Variants in CHERP observed in about 807,000 individuals in gnomAD.
CHERP encodes the protein calcium homeostasis endoplasmic reticulum protein.
CHERP carries 8 observed loss-of-function variants against 113.8 expected under a neutral mutation model. The observed-to-expected ratio is 0.07, with a 90% confidence interval of 0.04 to 0.13. The LOEUF is 0.13. CHERP is among the 10% of genes least tolerant of loss of function. The probability of loss-of-function intolerance (pLI) is 1.00; values close to 1 mark genes in which losing one functional copy is unlikely to be tolerated. For missense variants in CHERP, 884 were observed against 1,298.2 expected, an observed-to-expected ratio of 0.68 and a Z score of 4.90; for synonymous variants, 559 against 524.5, an observed-to-expected ratio of 1.07 and a Z score of -0.90.
rs1015248754 is a variant in CHERP at position 16,523,363 on chromosome 19, G to A, written c.1742-73C>T. 3.2e-6 allele frequency: 5 copies of A among 1,567,106 alleles called. No individual in the cohort carries two copies. Among genetic ancestry groups the A allele is most frequent in the Non-Finnish European group, 4.3e-6 (5 of 1,154,746 alleles). On this transcript the variant is annotated intron_variant, in intron 10 of 16. Transcript: ENST00000546361. The surrounding 1 kb of genome is among the most constrained non-coding windows in gnomAD (Gnocchi z 4.0). Reference sequence around the variant, plus strand: ...CCAGGCGACAAGTGCTGGAGGGGAGGGGCTCAGTGAAGGGCCAGGAGACGA... The same window carrying A: ...CCAGGCGACAAGTGCTGGAGGGGAGAGGCTCAGTGAAGGGCCAGGAGACGA...
chr19:16,542,121 G>A (rs1302547793), intron 1 of CHERP, 78 bp from the exon 2 acceptor site: 13 of 1,480,412 alleles, frequency 8.8e-6, no homozygotes, highest in Middle Eastern at 2.5e-4. Context: ...CCCAGCCCCC[G>A]TCCGCCTTGC....
chr19:16,529,540 G>C, intron 8 of CHERP, 108 bp downstream of exon 8: 2 of 1,368,152 alleles, frequency 1.5e-6, no homozygotes, highest in South Asian at 2.7e-5. Context: ...CTGGGACGAG[G>C]GAACAAGAAC....
Position 16,530,095 on chromosome 19 carries a change from G to C in CHERP, c.877-195C>G, listed in dbSNP as rs1000046955. ...GATCTGGCCAGAGATTTGGGGATGA[G>C]GATGTTCGCTGCAGCGTGTTTTACG... On this transcript the variant is annotated intron_variant, in intron 7 of 16. Coordinates refer to ENST00000546361, the MANE Select transcript of CHERP (RefSeq NM_006387.6). The surrounding 1 kb of genome is among the most constrained non-coding windows in gnomAD (Gnocchi z 4.1). Among the ~76,000 whole-genome samples the C allele has an allele frequency of 2.0e-5, 3 of 152,230 alleles. No individual in the cohort carries two copies. Among genetic ancestry groups the C allele is most frequent in the African/African-American group, 7.2e-5 (3 of 41,454 alleles).
Position 16,523,227 on chromosome 19 carries a change from G to A in CHERP, c.1805C>T (p.Pro602Leu), listed in dbSNP as rs779384365. 11 of 1,599,278 alleles carry A rather than the reference G, an allele frequency of 6.9e-6. No homozygotes were observed. The highest frequency in any genetic ancestry group is 1.8e-5 in the Admixed American group (1 of 56,726). ...RMPHPGINEH[P>L]PWAGPQHPDF... Reference sequence around the variant, plus strand: ...AGGGTGCTGGGGTCCAGCCCAAGGCGGGTGCTCGTTGATGCCAGGATGAGG... The same window carrying A: ...AGGGTGCTGGGGTCCAGCCCAAGGCAGGTGCTCGTTGATGCCAGGATGAGG... Residue 602 changes from proline to leucine, a missense_variant, in exon 11 of 17, where the codon CCG becomes CTG. Physicochemically the swap from Pro to Leu is moderately conservative, Grantham distance 98. This residue lies in a region of CHERP where 464 missense variants were observed against 590.1 expected (regional missense o/e 0.79). Coordinates refer to ENST00000546361, the MANE Select transcript of CHERP (RefSeq NM_006387.6). The surrounding 1 kb of genome is among the most constrained non-coding windows in gnomAD (Gnocchi z 4.0).
chr19:16,542,069 G>A (rs765751932), intron 1 of CHERP, 26 bp from the exon 2 acceptor site: 2 of 1,595,486 alleles, frequency 1.3e-6, no homozygotes, highest in Non-Finnish European at 1.7e-6. Context: ...AAGGCCACGC[G>A]GGGCGTCAGC....
rs1474630174 is a variant in CHERP, at chr19:16,535,100, C to CA, written c.384+351dup. Among the ~76,000 whole-genome samples, 1 of 152,100 alleles carries CA rather than the reference C, an allele frequency of 6.6e-6. No homozygotes were observed. Among genetic ancestry groups the CA allele is most frequent in the African/African-American group, 2.4e-5 (1 of 41,432 alleles). ...AAAAAAAGGGTCCTTCCCCAACCAA[C>CA]AGCTCCAGGTGACCTAGCTACTGTG... On this transcript the variant is annotated intron_variant, in intron 3 of 16. Coordinates refer to ENST00000546361, the MANE Select transcript of CHERP (RefSeq NM_006387.6). This position sits in a 1 kb window ranked among gnomAD's most constrained non-coding sequence, Gnocchi z 4.3.
chr19:16,530,234 C>T lies in CHERP; in HGVS notation c.877-334G>A, dbSNP rs889520969. On this transcript the variant is annotated intron_variant, in intron 7 of 16. Transcript: ENST00000546361. This position sits in a 1 kb window ranked among gnomAD's most constrained non-coding sequence, Gnocchi z 4.1. Reference sequence around the variant, plus strand: ...ACGCTCATGGGCTCTGCCTCCCACTCGCCATGTGGCTCTCAGCAAGAGGGG... The same window carrying T: ...ACGCTCATGGGCTCTGCCTCCCACTTGCCATGTGGCTCTCAGCAAGAGGGG... 1.3e-5 allele frequency among the ~76,000 whole-genome samples: 2 copies of T among 152,246 alleles called. No homozygotes were observed. Among genetic ancestry groups the T allele is most frequent in the South Asian group, 2.1e-4 (1 of 4,838 alleles).
At chr19:16,531,022 CCCA>C in intron 5 of CHERP, 142 bp from the exon 6 acceptor site, 1 of 1,343,096 alleles carries the variant, frequency 7.4e-7, no homozygotes, top group South Asian at 1.4e-5. Context: ...TGGCTGGGCT[CCCA>C]CGAGACCTGT....
In CHERP at chr19:16,530,715, G is replaced by A. The variant is rs923955303; in HGVS notation, c.787-41C>T. The A allele has an allele frequency of 6.2e-7, 1 of 1,613,988 alleles. No individual in the cohort carries two copies. The highest frequency in any genetic ancestry group is 8.5e-7 in the Non-Finnish European group (1 of 1,179,904). On this transcript the variant is annotated intron_variant, in intron 6 of 16. Coordinates refer to ENST00000546361, the MANE Select transcript of CHERP (RefSeq NM_006387.6). The surrounding 1 kb of genome is among the most constrained non-coding windows in gnomAD (Gnocchi z 4.1). ...GAGAGAGGCCGGGTCAGTGGGGAGGGGAAAGGCCTGTGTGTCCCGGTCTTG... is the reference window on the plus strand; with the variant it reads ...GAGAGAGGCCGGGTCAGTGGGGAGGAGAAAGGCCTGTGTGTCCCGGTCTTG...
intron 2 of CHERP, among the ~76,000 whole-genome samples, chr19:16,539,293 G>A (rs1243217038): frequency 9.2e-5 from 14 of 151,768 alleles, no homozygotes; most frequent in African/African-American, 1.7e-4. Flanking sequence ...GACTACAGGC[G>A]CCCGCTACCA....
rs2085670720 is a variant in CHERP at position 16,528,324 on chromosome 19, C to T, written c.1130-69G>A. 21 of 1,448,014 alleles carry T rather than the reference C, an allele frequency of 1.5e-5. No individual in the cohort carries two copies. In the Middle Eastern group the frequency reaches 7.7e-4, roughly 53 times the overall value. 89.7% of individuals were successfully genotyped at this position (1,448,014 alleles called of 1,614,324 possible). On this transcript the variant is annotated intron_variant, in intron 8 of 16. Transcript: ENST00000546361. ...AGGCGCTGTCTCCTCTCCACACTAC[C>T]CCAGAGCAAACCAGGCTACCGCTTT...
In CHERP at chr19:16,521,557, A is replaced by G; in HGVS notation, c.2078T>C (p.Phe693Ser). The G allele has an allele frequency of 1.2e-6, 2 of 1,604,360 alleles. No homozygotes were observed. The highest frequency in any genetic ancestry group is 1.7e-6 in the Non-Finnish European group (2 of 1,176,684). Residue 693 changes from phenylalanine to serine, a missense_variant, in exon 12 of 17, where the codon TTC becomes TCC. By Grantham distance (155) the Phe-to-Ser change is radical. Transcript: ENST00000546361. Reference protein sequence around the residue: ...SERLLAAVEAFYSPPSHDRPR... With the variant: ...SERLLAAVEASYSPPSHDRPR... Reference sequence around the variant, plus strand: ...CCTGTCGTGGGACGGGGGGCTGTAGAAGGCCTCCACTGCAGCCAGCAGCCT... The same window carrying G: ...CCTGTCGTGGGACGGGGGGCTGTAGGAGGCCTCCACTGCAGCCAGCAGCCT...
chr19:16,528,368 C>T (rs951422665), intron 8 of CHERP, 113 bp from the exon 9 acceptor site: 28 of 1,020,922 alleles, frequency 2.7e-5, no homozygotes, highest in African/African-American at 2.0e-4. Context: ...AGTGGATGAT[C>T]GCTTCAGGAC....
At position 16,520,708 on chromosome 19, in the gene CHERP, GC is replaced by G; in HGVS notation, c.2201+117del. The G allele has an allele frequency of 8.4e-7, 1 of 1,193,170 alleles. No individual in the cohort carries two copies. The highest frequency in any genetic ancestry group is 1.2e-6 in the Non-Finnish European group (1 of 813,568). The allele number at this position is 1,193,170 out of a possible 1,614,324, so 73.9% of individuals were successfully genotyped here. ...GAATTCAGGCCTTGTGGAAAACACC[GC>G]CCCATAGGCACAGGCTGTGTGAGGG... On this transcript the variant is annotated intron_variant, in intron 13 of 16. Transcript: ENST00000546361. This position sits in a 1 kb window ranked among gnomAD's most constrained non-coding sequence, Gnocchi z 4.0.
Position 16,529,691 on chromosome 19 carries a change from CG to C in CHERP, c.1085del (p.Pro362ArgfsTer293). On this transcript the variant is annotated frameshift_variant, in exon 8 of 17. Transcript: ENST00000546361. LOFTEE classifies it high-confidence loss of function. Reference protein sequence around the residue: ...KATPPPPAPPPAPAPAPAIPP... With the variant: ...KATPPPPAPPXAPAPAPAIPP... ...GGATGGCAGGGGCAGGTGCTGGGGCCGGGGGTGGAGCAGGCGGTGGAGGCGT... is the reference window on the plus strand; with the variant it reads ...GGATGGCAGGGGCAGGTGCTGGGGCCGGGGTGGAGCAGGCGGTGGAGGCGT... The C allele has an allele frequency of 6.4e-7, 1 of 1,572,454 alleles. No homozygotes were observed.
intron 8 of CHERP, 55 bp from the exon 9 acceptor site, chr19:16,528,310 C>G (rs12459056): frequency 0.073 from 109,184 of 1,496,038 alleles, 4,649 homozygotes; most frequent in Admixed American, 0.17. Context: ...GGCGCTGTCT[C>G]CTCTCCACAC....
Position 16,520,577 on chromosome 19 carries a change from G to T in CHERP, c.2202-70C>A. On this transcript the variant is annotated intron_variant, in intron 13 of 16. Coordinates refer to ENST00000546361, the MANE Select transcript of CHERP (RefSeq NM_006387.6). This position sits in a 1 kb window ranked among gnomAD's most constrained non-coding sequence, Gnocchi z 4.0. ...GCACCCAGCCCACCCTGGCCCTCAG[G>T]TTCCTAGACCACCCCAGATGCAGGG... 6.5e-7 allele frequency: 1 copy of T among 1,537,658 alleles called. No individual in the cohort carries two copies.
Position 16,529,835 on chromosome 19 carries a change from G to C in CHERP, c.942C>G (p.Ile314Met). The C allele has an allele frequency of 6.2e-7, 1 of 1,613,842 alleles. No homozygotes were observed. Among genetic ancestry groups the C allele is most frequent in the Middle Eastern group, 1.6e-4 (1 of 6,062 alleles). The change falls in exon 8 of 17, where the codon ATC becomes ATG. Residue 314 changes from isoleucine to methionine, a missense_variant. Transcript: ENST00000546361. ...CCTCGTGCTGCGTCTTGAGGGTCTGGATCTGCTGCTGGAAGGCCAGCTGCA... is the reference window on the plus strand; with the variant it reads ...CCTCGTGCTGCGTCTTGAGGGTCTGCATCTGCTGCTGGAAGGCCAGCTGCA... ...QPVQLAFQQQ[I>M]QTLKTQHEEF...
At chr19:16,540,201 C>A (rs1016249930) in intron 2 of CHERP, among the ~76,000 whole-genome samples, 3 of 151,878 alleles carry the variant, frequency 2.0e-5, no homozygotes, top group Non-Finnish European at 4.4e-5. Flanking sequence ...GTAGCTGGGA[C>A]TACAGGTGCC....
Sources: allele counts gnomAD v4.1 joint callset (sites outside exome capture counted in the v4.1 genomes callset), GRCh38; gene constraint gnomAD v4.1.1; regional missense constraint gnomAD v4.1.1; non-coding constraint Gnocchi (gnomAD v3.1); transcripts MANE v1.5; gene names NCBI Gene and HGNC (gene_info 2026-07-23, HGNC 2026-07-21).